The following DGKB variants were observed in gnomAD, a reference collection of about 807,000 sequenced individuals.
DGKB encodes the protein diacylglycerol kinase beta.
DGKB carries 67 observed loss-of-function variants against 114.3 expected under a neutral mutation model. That is an observed-to-expected ratio of 0.59 (90% CI 0.48 to 0.72). The LOEUF (loss-of-function observed/expected upper bound fraction) is 0.72, where lower values mean the gene tolerates loss of function less well. Ranked by LOEUF, DGKB falls within the 30% of genes least tolerant of loss-of-function variation. The pLI, the probability that DGKB is intolerant of heterozygous loss-of-function variation, is 0.00. For missense variants in DGKB, 907 were observed against 975.2 expected (o/e 0.93, Z 0.93); for synonymous variants, 398 against 323.1 (o/e 1.23, Z -2.49).
intron 23 of DGKB, among the ~76,000 whole-genome samples, chr7:14,259,065 A>G (rs1355002536): frequency 1.3e-5 from 2 of 152,118 alleles, no homozygotes; most frequent in South Asian, 2.1e-4. Context: ...TCCTTGTTGA[A>G]CATGGTTTAA....
intron 20 of DGKB, among the ~76,000 whole-genome samples, chr7:14,511,132 AAGTC>A (rs1174265868): frequency 2.6e-5 from 4 of 152,132 alleles, no homozygotes; most frequent in Non-Finnish European, 4.4e-5. Flanking sequence ...CTCCTAACAA[AAGTC>A]AGCCAGTCCT....
intron 23 of DGKB, among the ~76,000 whole-genome samples, chr7:14,265,794 T>A (rs38274): frequency 0.4 from 60,954 of 151,914 alleles, 13,107 homozygotes; most frequent in East Asian, 0.67. Context: ...ATGAATGAAT[T>A]AAAAATGAAT....
intron 1 of DGKB, among the ~76,000 whole-genome samples, chr7:14,854,439 G>T (rs1245606936): frequency 6.6e-6 from 1 of 152,180 alleles, no homozygotes; most frequent in African/African-American, 2.4e-5. Context: ...TTCCATGGAC[G>T]AGGGGTGGAG....
chr7:14,212,922 A>G (rs1229424440), intron 23 of DGKB, among the ~76,000 whole-genome samples: 1 of 152,088 alleles, frequency 6.6e-6, no homozygotes, highest in Non-Finnish European at 1.5e-5. Flanking sequence ...AACATTATAC[A>G]TGACTATGTA....
chr7:14,728,757 G>A (rs939461576), intron 5 of DGKB, among the ~76,000 whole-genome samples: 1 of 150,202 alleles, frequency 6.7e-6, no homozygotes, highest in South Asian at 2.1e-4. Context: ...AGGCTGGAGT[G>A]CAGTGGCGCC....
At chr7:14,554,098 T>A (rs544879717) in intron 20 of DGKB, among the ~76,000 whole-genome samples, 1 of 152,112 alleles carries the variant, frequency 6.6e-6, no homozygotes, top group East Asian at 1.9e-4. Context: ...GATCTCGATC[T>A]CCTGACCTCG....
At chr7:14,361,808 T>C (rs891408569) in intron 21 of DGKB, among the ~76,000 whole-genome samples, 3 of 152,018 alleles carry the variant, frequency 2.0e-5, no homozygotes, top group African/African-American at 7.2e-5. Context: ...TTTTACAAGA[T>C]AAAACTTGTT....
chr7:14,576,735 G>T (rs928277551), intron 19 of DGKB, among the ~76,000 whole-genome samples: 2 of 152,150 alleles, frequency 1.3e-5, no homozygotes, highest in East Asian at 3.8e-4. Flanking sequence ...TGATAGGAAT[G>T]AATGTAGTGA....
intron 23 of DGKB, among the ~76,000 whole-genome samples, chr7:14,284,926 G>C (rs1240438763): frequency 6.6e-6 from 1 of 151,044 alleles, no homozygotes; most frequent in Non-Finnish European, 1.5e-5. Flanking sequence ...ACGAGTTAGT[G>C]GGTGAAGCAC....
At chr7:14,781,734 T>C (rs75772662) in intron 2 of DGKB, among the ~76,000 whole-genome samples, 3,257 of 152,280 alleles carry the variant, frequency 0.021, 117 homozygotes, top group African/African-American at 0.074. Flanking sequence ...CATTCTTATA[T>C]GTAATATTTG....
chr7:14,851,530 A>G (rs962085027), intron 1 of DGKB, among the ~76,000 whole-genome samples: 53 of 152,168 alleles, frequency 3.5e-4, no homozygotes, highest in African/African-American at 9.9e-4. Flanking sequence ...CCTATTTTCC[A>G]AGAATGATGA....
At chr7:14,448,657 T>C (rs1353791024) in intron 21 of DGKB, among the ~76,000 whole-genome samples, 1 of 152,116 alleles carries the variant, frequency 6.6e-6, no homozygotes, top group Non-Finnish European at 1.5e-5. Flanking sequence ...ACAAGTAATT[T>C]ACTTTTCATA....
At position 14,160,733 on chromosome 7, in the gene DGKB, A is replaced by G. The variant is rs1010994704; in HGVS notation, c.2305-11495T>C. ...GATTCAATGCTAGTCCCATCAAGCTACCATGGACTTTCTTCACAGAATTAG... is the reference window on the plus strand; with the variant it reads ...GATTCAATGCTAGTCCCATCAAGCTGCCATGGACTTTCTTCACAGAATTAG... On this transcript the variant is annotated intron_variant, in intron 25 of 25. Transcript: ENST00000402815. 5.9e-5 allele frequency among the ~76,000 whole-genome samples: 9 copies of G among 152,306 alleles called. No homozygotes were observed. The East Asian group carries it at 1.7e-3, about 29-fold the overall frequency.
chr7:14,347,137 G>A (rs536413856), intron 21 of DGKB, among the ~76,000 whole-genome samples: 43 of 152,042 alleles, frequency 2.8e-4, no homozygotes, highest in South Asian at 1.7e-3. Flanking sequence ...AGGTAATGGA[G>A]GGAGTATGCC....
intron 1 of DGKB, among the ~76,000 whole-genome samples, chr7:14,944,814 G>GAA (rs35643032): frequency 4.6e-5 from 7 of 151,036 alleles, no homozygotes; most frequent in East Asian, 2.0e-4. Flanking sequence ...AAGACTGATG[G>GAA]AAAAAAAATG....
chr7:14,390,064 G>A (rs1821087161), intron 21 of DGKB, among the ~76,000 whole-genome samples: 1 of 152,104 alleles, frequency 6.6e-6, no homozygotes, highest in Admixed American at 6.6e-5. Context: ...TAAGGGTGAG[G>A]CAGTAATTTG....
intron 23 of DGKB, among the ~76,000 whole-genome samples, chr7:14,294,641 G>A (rs549820609): frequency 6.6e-6 from 1 of 152,250 alleles, no homozygotes; most frequent in East Asian, 1.9e-4. Flanking sequence ...TCAGTTTATT[G>A]TAATTAACCA....
At position 14,418,350 on chromosome 7, in the gene DGKB, T is replaced by A. The variant is rs547801032; in HGVS notation, c.1835+59811A>T. ...ATGTATATATATACACACACATATA[T>A]TCACATATATATGTGTGTGTGTATA... On this transcript the variant is annotated intron_variant, in intron 21 of 25. Transcript: ENST00000402815. 3.6e-5 allele frequency among the ~76,000 whole-genome samples: 5 copies of A among 138,706 alleles called. No individual in the cohort carries two copies. In the East Asian group the frequency reaches 8.0e-4, roughly 22 times the overall value. The allele number at this position is 138,706 out of a possible 152,430, so 91.0% of individuals were successfully genotyped here. A position where few individuals can be genotyped will look rare whatever the true frequency, so the allele number is the denominator to read the frequency against.
chr7:14,182,272 CATT>C (rs1198193414), intron 23 of DGKB, among the ~76,000 whole-genome samples: 5 of 151,294 alleles, frequency 3.3e-5, no homozygotes, highest in African/African-American at 4.9e-5. Flanking sequence ...TATTTATATT[CATT>C]ATGTCAAATT....
Sources: allele counts gnomAD v4.1 joint callset (sites outside exome capture counted in the v4.1 genomes callset), GRCh38; gene constraint gnomAD v4.1.1; transcripts MANE v1.5; gene names NCBI Gene and HGNC (gene_info 2026-07-23, HGNC 2026-07-21).